The following CSMD1 variants were observed in gnomAD, a reference collection of about 807,000 sequenced individuals.
The protein encoded by CSMD1 is CUB and Sushi multiple domains 1, also known as CUB and sushi domain-containing protein 1.
In CSMD1, 213 loss-of-function variants were observed where a neutral mutation model predicts 417.5. The ratio of observed to expected loss-of-function variants is 0.51; its 90% CI spans 0.46 to 0.57. The LOEUF (loss-of-function observed/expected upper bound fraction) is 0.57, where lower values mean the gene tolerates loss of function less well. Among genes scored for constraint, CSMD1 ranks in the 20% least tolerant of loss-of-function variants. The pLI is 0.00. For missense variants in CSMD1, 6,923 were observed against 4,529.7 expected, an observed-to-expected ratio of 1.53 and a Z score of -15.17; for synonymous variants, 2,862 against 1,736.8, an observed-to-expected ratio of 1.65 and a Z score of -16.11.
intron 3 of CSMD1, among the ~76,000 whole-genome samples, chr8:4,223,903 A>G (rs1301229730): frequency 6.6e-6 from 1 of 152,154 alleles, no homozygotes; most frequent in Non-Finnish European, 1.5e-5. Context: ...GCTTATCACT[A>G]TTTCTCTTCC....
intron 20 of CSMD1, among the ~76,000 whole-genome samples, chr8:3,363,306 G>C (rs1012960826): frequency 2.6e-5 from 4 of 152,180 alleles, no homozygotes; most frequent in African/African-American, 4.8e-5. Context: ...CATTTGAAAA[G>C]TCATGGTACC....
Position 4,277,793 on chromosome 8 carries a change from G to T in CSMD1, c.415+142160C>A, listed in dbSNP as rs559654854. ...GACGGAGTCTCACTCTGTTGCCCAG[G>T]CTGGAGTGCAGTCGTATAATCTCGG... On this transcript the variant is annotated intron_variant, in intron 3 of 69. Transcript: ENST00000635120. Among the ~76,000 whole-genome samples the T allele has an allele frequency of 2.0e-5, 3 of 152,186 alleles. 1 individual carries two copies. The highest frequency in any genetic ancestry group is 7.2e-5 in the African/African-American group (3 of 41,528).
At chr8:3,474,991 T>C (rs145335282) in intron 11 of CSMD1, among the ~76,000 whole-genome samples, 130 of 152,270 alleles carry the variant, frequency 8.5e-4, no homozygotes, top group African/African-American at 3.0e-3. Context: ...AGTGTAAAAC[T>C]CTGTCATCTC....
intron 3 of CSMD1, among the ~76,000 whole-genome samples, chr8:4,246,287 T>A (rs1016981072): frequency 6.6e-6 from 1 of 152,144 alleles, no homozygotes; most frequent in Non-Finnish European, 1.5e-5. Flanking sequence ...GGTTTTCTGT[T>A]CCTGGGTTAG....
chr8:4,710,345 T>C (rs1386784651), intron 1 of CSMD1, among the ~76,000 whole-genome samples: 1 of 149,878 alleles, frequency 6.7e-6, no homozygotes, highest in Non-Finnish European at 1.5e-5. Context: ...AGTACATTAA[T>C]ACTTCAATTA....
chr8:3,282,375 T>A (rs1490130729), intron 26 of CSMD1, among the ~76,000 whole-genome samples: 2 of 151,856 alleles, frequency 1.3e-5, no homozygotes, highest in African/African-American at 4.8e-5. Context: ...TCTAAAAAAA[T>A]AAAACCTGTT....
intron 2 of CSMD1, among the ~76,000 whole-genome samples, chr8:4,601,809 T>C (rs1800600832): frequency 6.6e-6 from 1 of 152,162 alleles, no homozygotes; most frequent in South Asian, 2.1e-4. Context: ...GATTTATCCA[T>C]GTCTGAGCAT....
intron 36 of CSMD1, among the ~76,000 whole-genome samples, chr8:3,182,464 C>G (rs1293039850): frequency 6.6e-6 from 1 of 152,064 alleles, no homozygotes; most frequent in African/African-American, 2.4e-5. Context: ...ATCTGCTTGC[C>G]TCGGCCTCCC....
intron 12 of CSMD1, among the ~76,000 whole-genome samples, chr8:3,456,075 T>C (rs931047385): frequency 3.3e-5 from 5 of 152,170 alleles, no homozygotes; most frequent in African/African-American, 1.2e-4. Context: ...GTCTCAGCAA[T>C]GAGCAAGCCT....
chr8:3,325,550 A>C (rs1806470352), intron 23 of CSMD1, among the ~76,000 whole-genome samples: 1 of 152,220 alleles, frequency 6.6e-6, no homozygotes. Flanking sequence ...TCGCCTGGGC[A>C]TGCTGGCTCA....
intron 9 of CSMD1, among the ~76,000 whole-genome samples, chr8:3,579,392 G>T (rs956097984): frequency 6.6e-6 from 1 of 152,104 alleles, no homozygotes; most frequent in Non-Finnish European, 1.5e-5. Context: ...AAATCTTATG[G>T]TTCTATAGTA....
intron 4 of CSMD1, among the ~76,000 whole-genome samples, chr8:4,005,201 G>A (rs955772103): frequency 2.0e-5 from 3 of 152,266 alleles, no homozygotes; most frequent in South Asian, 2.1e-4. Context: ...TACTGCACAG[G>A]TGGTGGGTGC....
At chr8:3,503,867 T>A (rs919599677) in intron 10 of CSMD1, among the ~76,000 whole-genome samples, 1 of 93,794 alleles carries the variant, frequency 1.1e-5, no homozygotes, top group Non-Finnish European at 2.1e-5. Context: ...TCCTAGCCCC[T>A]GGTAGCCACT....
At chr8:4,200,687 C>G (rs1054167936) in intron 3 of CSMD1, among the ~76,000 whole-genome samples, 16 of 152,056 alleles carry the variant, frequency 1.1e-4, no homozygotes, top group African/African-American at 3.9e-4. Flanking sequence ...AAGACCGCAC[C>G]TCTACAAAAC....
chr8:3,688,467 C>G (rs1305962162), intron 7 of CSMD1, among the ~76,000 whole-genome samples: 1 of 152,168 alleles, frequency 6.6e-6, no homozygotes, highest in Non-Finnish European at 1.5e-5. Flanking sequence ...TCCTACGTGT[C>G]TCTGTTCCCT....
chr8:3,671,908 C>G lies in CSMD1; in HGVS notation c.1009+36506G>C, dbSNP rs895487183. ...GGCACCCACCCTCATTTCCTCTGTC[C>G]TGTGTCGTTAGCCTGCTGGTCATTT... On this transcript the variant is annotated intron_variant, in intron 7 of 69. Transcript: ENST00000635120. 7.2e-5 allele frequency among the ~76,000 whole-genome samples: 11 copies of G among 152,176 alleles called. 1 individual carries two copies. The highest frequency in any genetic ancestry group is 7.2e-4 in the Admixed American group (11 of 15,280).
At chr8:3,976,178 A>T (rs1273548957) in intron 5 of CSMD1, among the ~76,000 whole-genome samples, 1 of 152,142 alleles carries the variant, frequency 6.6e-6, no homozygotes, top group Non-Finnish European at 1.5e-5. Context: ...CAAATACGAG[A>T]TAACTTATGC....
chr8:4,185,287 G>T lies in CSMD1; in HGVS notation c.416-153188C>A, dbSNP rs568371947. Among the ~76,000 whole-genome samples the T allele has an allele frequency of 6.6e-5, 10 of 152,048 alleles. No individual in the cohort carries two copies. The East Asian group carries it at 9.7e-4, about 15-fold the overall frequency. ...AATTCGTCATGATCTTGGGCAAATT[G>T]TTTAATCTTTTTGTTTTAGGGACCC... On this transcript the variant is annotated intron_variant, in intron 3 of 69. Coordinates refer to ENST00000635120, the MANE Select transcript of CSMD1 (RefSeq NM_033225.6).
At chr8:3,166,680 C>G (rs1291552648) in intron 37 of CSMD1, among the ~76,000 whole-genome samples, 2 of 151,916 alleles carry the variant, frequency 1.3e-5, no homozygotes, top group Non-Finnish European at 2.9e-5. Context: ...AAATAATGGG[C>G]AAACCTATAG....
Sources: allele counts gnomAD v4.1 joint callset (sites outside exome capture counted in the v4.1 genomes callset), GRCh38; gene constraint gnomAD v4.1.1; transcripts MANE v1.5; gene names NCBI Gene and HGNC (gene_info 2026-07-23, HGNC 2026-07-21).